Variants in C12orf50 observed in about 807,000 individuals in gnomAD.
The protein encoded by C12orf50 is uncharacterized protein C12orf50.
A neutral mutation model predicts 61.6 loss-of-function variants in C12orf50; 35 were observed. The ratio of observed to expected loss-of-function variants is 0.57; its 90% CI spans 0.43 to 0.75. The LOEUF (loss-of-function observed/expected upper bound fraction) is 0.75, where lower values mean the gene tolerates loss of function less well. Ranked by LOEUF, C12orf50 falls within the 30% of genes least tolerant of loss-of-function variation. C12orf50 has a pLI of 0.00. For synonymous variants in C12orf50, 178 were observed against 161.5 expected, an observed-to-expected ratio of 1.10 and a Z score of -0.77; for missense variants, 475 against 488.5, an observed-to-expected ratio of 0.97 and a Z score of 0.26.
At chr12:88,023,204 C>T (rs1159241620) in intron 3 of C12orf50, among the ~76,000 whole-genome samples, 2 of 152,060 alleles carry the variant, frequency 1.3e-5, no homozygotes, top group African/African-American at 2.4e-5. Flanking sequence ...ATAAAAGCCT[C>T]ATGCCTGCAA....
At chr12:87,988,821 G>A (rs189267304) in intron 8 of C12orf50, among the ~76,000 whole-genome samples, 1 of 152,194 alleles carries the variant, frequency 6.6e-6, no homozygotes, top group East Asian at 1.9e-4. Context: ...TACAGTTAAG[G>A]GCAGTGTAAA....
In C12orf50 at chr12:87,986,312, C is replaced by T; in HGVS notation, c.922G>A (p.Ala308Thr). 4 of 1,576,560 alleles carry T rather than the reference C, an allele frequency of 2.5e-6. No homozygotes were observed. Among genetic ancestry groups the T allele is most frequent in the Non-Finnish European group, 2.6e-6 (3 of 1,154,984 alleles). ...QNFPNSGMQRAVQAPRPQNKM... is the reference protein window; with the variant it reads ...QNFPNSGMQRTVQAPRPQNKM... ...AATATCAAATATATAGACACCTTACCTCTCTGCATTCCAGAGTTAGGAAAG... is the reference window on the plus strand; with the variant it reads ...AATATCAAATATATAGACACCTTACTTCTCTGCATTCCAGAGTTAGGAAAG... Residue 308 changes from alanine to threonine, a missense_variant and splice_region_variant, in exon 10 of 13, where the codon GCA (alanine) becomes ACA (threonine). Physicochemically the swap from Ala to Thr is moderately conservative, Grantham distance 58. Coordinates refer to ENST00000298699, the MANE Select transcript of C12orf50 (RefSeq NM_152589.3).
At chr12:88,005,248 G>GCTTTTTAA (rs1486527284) in intron 3 of C12orf50, among the ~76,000 whole-genome samples, 1 of 152,104 alleles carries the variant, frequency 6.6e-6, no homozygotes, top group African/African-American at 2.4e-5. Context: ...CTTGTTGTTT[G>GCTTTTTAA]CTTTTTAATT....
At chr12:87,995,807 A>C (rs2031359280) in intron 6 of C12orf50, among the ~76,000 whole-genome samples, 1 of 152,158 alleles carries the variant, frequency 6.6e-6, no homozygotes, top group South Asian at 2.1e-4. Context: ...CCACGTTTGA[A>C]TAGTTCGCTA....
Position 87,989,247 on chromosome 12 carries a change from T to A in C12orf50, c.700+17A>T, listed in dbSNP as rs770380163. On this transcript the variant is annotated intron_variant, in intron 8 of 12. Coordinates refer to ENST00000298699, the MANE Select transcript of C12orf50 (RefSeq NM_152589.3). Reference sequence around the variant, plus strand: ...AGCCAAATTACAAATGAATCAAAATTATATAATATTCATTACCTTTAGTAT... The same window carrying A: ...AGCCAAATTACAAATGAATCAAAATAATATAATATTCATTACCTTTAGTAT... 5.2e-6 allele frequency: 8 copies of A among 1,531,928 alleles called. No individual in the cohort carries two copies. The highest frequency in any genetic ancestry group is 7.2e-6 in the Non-Finnish European group (8 of 1,117,866). 94.9% of individuals were successfully genotyped at this position (1,531,928 alleles called of 1,614,324 possible).
chr12:88,005,662 C>T (rs546866711), intron 3 of C12orf50, among the ~76,000 whole-genome samples: 50 of 152,118 alleles, frequency 3.3e-4, no homozygotes, highest in Admixed American at 1.0e-3. Context: ...TTTTTGGAGA[C>T]GGAGTCTCGC....
intron 3 of C12orf50, among the ~76,000 whole-genome samples, chr12:88,017,460 G>A (rs1406502915): frequency 2.0e-5 from 3 of 152,164 alleles, no homozygotes; most frequent in African/African-American, 7.2e-5. Context: ...TCTCAAGTAT[G>A]TCTTTATCTG....
At chr12:87,994,502 TGA>T in intron 7 of C12orf50, 129 bp downstream of exon 7, 5 of 672,624 alleles carry the variant, frequency 7.4e-6, no homozygotes, top group Non-Finnish European at 1.2e-5. Flanking sequence ...ACTGATTTTG[TGA>T]TATACCTCCA....
Position 88,009,925 on chromosome 12 carries a change from G to A in C12orf50, c.134-11735C>T, listed in dbSNP as rs575348799. ...ATATTTTGTGACCTTATTATCTTTT[G>A]AAGTATTCAAATATTGGCCTTTTAC... On this transcript the variant is annotated intron_variant, in intron 3 of 12. Transcript: ENST00000298699. Among the ~76,000 whole-genome samples the A allele has an allele frequency of 5.7e-4, 86 of 151,952 alleles. 1 individual carries two copies. Among genetic ancestry groups the A allele is most frequent in the Non-Finnish European group, 1.1e-3 (73 of 67,932 alleles).
chr12:88,029,016 T>G (rs1005816512), intron 1 of C12orf50: 13 of 1,041,086 alleles, frequency 1.2e-5, no homozygotes, highest in Non-Finnish European at 1.6e-5. Flanking sequence ...CTCCCTTCAT[T>G]CTACTAAAAA....
intron 11 of C12orf50, chr12:87,984,528 T>G (rs947384590): frequency 1.3e-5 from 2 of 152,212 alleles, no homozygotes; most frequent in Non-Finnish European, 2.9e-5. Flanking sequence ...GACTTCCATG[T>G]TCGCAGTAAT....
At chr12:88,020,255 A>G (rs1481053233) in intron 3 of C12orf50, among the ~76,000 whole-genome samples, 1 of 152,194 alleles carries the variant, frequency 6.6e-6, no homozygotes, top group Non-Finnish European at 1.5e-5. Context: ...AAGCTCGATA[A>G]AGAAGCAAGA....
chr12:88,023,981 C>T (rs765770246), intron 3 of C12orf50, among the ~76,000 whole-genome samples: 21 of 152,104 alleles, frequency 1.4e-4, no homozygotes, highest in Non-Finnish European at 2.4e-4. Flanking sequence ...AGCACGTGAA[C>T]GCTTTTCAAA....
chr12:87,980,841 C>T (rs571049406), intron 12 of C12orf50, among the ~76,000 whole-genome samples: 3 of 152,258 alleles, frequency 2.0e-5, no homozygotes, highest in East Asian at 3.9e-4. Context: ...TTCTCCTGTC[C>T]GCCAGTGCCC....
At chr12:88,019,053 T>G (rs1414659391) in intron 3 of C12orf50, among the ~76,000 whole-genome samples, 1 of 152,086 alleles carries the variant, frequency 6.6e-6, no homozygotes, top group Non-Finnish European at 1.5e-5. Context: ...GTTTTAAATG[T>G]GAGGACATGA....
At chr12:88,026,347 G>A in intron 3 of C12orf50, 141 bp downstream of exon 3, 1 of 921,118 alleles carries the variant, frequency 1.1e-6, no homozygotes. Context: ...CTTGTCTCAT[G>A]TAGAATCATT....
intron 3 of C12orf50, among the ~76,000 whole-genome samples, chr12:88,007,532 T>A (rs2031931275): frequency 6.6e-6 from 1 of 152,190 alleles, no homozygotes; most frequent in South Asian, 2.1e-4. Context: ...TGGTGCCTCG[T>A]TACTGTGCCC....
At chr12:87,989,437 AGG>A in intron 7 of C12orf50, 66 bp from the exon 8 acceptor site, 2 of 1,158,372 alleles carry the variant, frequency 1.7e-6, no homozygotes, top group Non-Finnish European at 2.6e-6. Context: ...CTTTCAATAC[AGG>A]AACATTTTCT....
intron 4 of C12orf50, among the ~76,000 whole-genome samples, chr12:87,997,046 A>C (rs2031427691): frequency 6.6e-6 from 1 of 152,202 alleles, no homozygotes; most frequent in Non-Finnish European, 1.5e-5. Flanking sequence ...ATATTCCAGC[A>C]CAAAGACAGA....
Sources: allele counts gnomAD v4.1 joint callset (sites outside exome capture counted in the v4.1 genomes callset), GRCh38; gene constraint gnomAD v4.1.1; transcripts MANE v1.5; gene names NCBI Gene and HGNC (gene_info 2026-07-23, HGNC 2026-07-21).